Variants in YWHAG observed in about 807,000 individuals in gnomAD.
The protein encoded by YWHAG is tyrosine 3-monooxygenase/tryptophan 5-monooxygenase activation protein gamma.
Under a neutral mutation model 23.3 loss-of-function variants are expected in YWHAG, and 1 was observed. The ratio of observed to expected loss-of-function variants is 0.04; its 90% CI spans 0.02 to 0.20. The LOEUF (loss-of-function observed/expected upper bound fraction) is 0.20, where lower values mean the gene tolerates loss of function less well. Among genes scored for constraint, YWHAG ranks in the 10% least tolerant of loss-of-function variants. YWHAG has a pLI of 1.00. For synonymous variants in YWHAG, 160 were observed against 144.0 expected (o/e 1.11, Z -0.80); for missense variants, 151 against 338.6 (o/e 0.45, Z 4.35).
At chr7:76,334,684 G>A (rs1803592500) in intron 1 of YWHAG, among the ~76,000 whole-genome samples, 1 of 150,768 alleles carries the variant, frequency 6.6e-6, no homozygotes, top group Non-Finnish European at 1.5e-5. Context: ...CTAAAGTTCT[G>A]GGATTACAAA....
chr7:76,335,850 T>G (rs1259383373), intron 1 of YWHAG, among the ~76,000 whole-genome samples: 1 of 152,124 alleles, frequency 6.6e-6, no homozygotes, highest in East Asian at 1.9e-4. Context: ...CTCAGGAGGC[T>G]GAGGCAGGGG....
At chr7:76,335,808 G>A (rs1261020738) in intron 1 of YWHAG, among the ~76,000 whole-genome samples, 1 of 152,114 alleles carries the variant, frequency 6.6e-6, no homozygotes, top group African/African-American at 2.4e-5. Flanking sequence ...AAAATGAGCT[G>A]GGTGTGGTGT....
intron 1 of YWHAG, among the ~76,000 whole-genome samples, chr7:76,349,149 T>C (rs1025644589): frequency 1.3e-5 from 2 of 151,990 alleles, no homozygotes; most frequent in Admixed American, 6.6e-5. Flanking sequence ...GAGACCATCC[T>C]GGCTAACACG....
At chr7:76,349,967 C>G (rs990947192) in intron 1 of YWHAG, among the ~76,000 whole-genome samples, 1 of 152,200 alleles carries the variant, frequency 6.6e-6, no homozygotes, top group Non-Finnish European at 1.5e-5. Context: ...GTACCCCAGC[C>G]TGGGCAACAG....
At chr7:76,354,561 G>A (rs966988156) in intron 1 of YWHAG, among the ~76,000 whole-genome samples, 2 of 152,054 alleles carry the variant, frequency 1.3e-5, no homozygotes, top group Non-Finnish European at 2.9e-5. Context: ...AATAAGGTTA[G>A]GACTGCTGAT....
At chr7:76,344,640 T>C (rs1803748935) in intron 1 of YWHAG, among the ~76,000 whole-genome samples, 1 of 152,210 alleles carries the variant, frequency 6.6e-6, no homozygotes, top group Admixed American at 6.5e-5. Flanking sequence ...CTGGAATCAA[T>C]GTCATGCTCA....
intron 1 of YWHAG, among the ~76,000 whole-genome samples, chr7:76,349,902 G>A (rs1362791754): frequency 1.3e-5 from 2 of 152,186 alleles, no homozygotes; most frequent in African/African-American, 4.8e-5. Flanking sequence ...GCTGAGGTAG[G>A]AGAATTGCTT....
intron 1 of YWHAG, among the ~76,000 whole-genome samples, chr7:76,353,660 G>A (rs879856543): frequency 1.3e-5 from 2 of 152,162 alleles, no homozygotes; most frequent in Non-Finnish European, 2.9e-5. Flanking sequence ...CAAAATGATA[G>A]CTGACACCTA....
At chr7:76,349,552 G>C (rs574485437) in intron 1 of YWHAG, among the ~76,000 whole-genome samples, 75 of 152,126 alleles carry the variant, frequency 4.9e-4, no homozygotes, top group Non-Finnish European at 8.8e-4. Context: ...AATTCACTCA[G>C]CAAGTGTTTT....
At chr7:76,352,236 T>C (rs1325628362) in intron 1 of YWHAG, among the ~76,000 whole-genome samples, 1 of 152,246 alleles carries the variant, frequency 6.6e-6, no homozygotes, top group Non-Finnish European at 1.5e-5. Context: ...GAGTAATTCC[T>C]TTCAGACAGC....
At chr7:76,333,487 T>C (rs751028630) in intron 1 of YWHAG, among the ~76,000 whole-genome samples, 2 of 152,258 alleles carry the variant, frequency 1.3e-5, no homozygotes, top group Non-Finnish European at 2.9e-5. Context: ...TCATTTTAGT[T>C]CTCACCACAG....
At chr7:76,342,669 C>T (rs917320087) in intron 1 of YWHAG, among the ~76,000 whole-genome samples, 1 of 152,174 alleles carries the variant, frequency 6.6e-6, no homozygotes, top group Non-Finnish European at 1.5e-5. Flanking sequence ...TCCTGCTTAT[C>T]AATACCTTTC....
chr7:76,342,369 C>T (rs1420426808), intron 1 of YWHAG, among the ~76,000 whole-genome samples: 1 of 152,216 alleles, frequency 6.6e-6, no homozygotes, highest in Non-Finnish European at 1.5e-5. Context: ...CAAACCAGCA[C>T]TCCCTTCCTT....
chr7:76,340,767 T>C (rs1803680946), intron 1 of YWHAG, among the ~76,000 whole-genome samples: 3 of 152,242 alleles, frequency 2.0e-5, no homozygotes, highest in Admixed American at 2.0e-4. Context: ...TGCATATCTA[T>C]TTCTCTAGGT....
At chr7:76,340,703 T>A (rs1237103789) in intron 1 of YWHAG, among the ~76,000 whole-genome samples, 1 of 152,172 alleles carries the variant, frequency 6.6e-6, no homozygotes, top group Non-Finnish European at 1.5e-5. Context: ...GGAGGCTTTT[T>A]ATAATAATCT....
chr7:76,333,814 C>T (rs1803579634), intron 1 of YWHAG, among the ~76,000 whole-genome samples: 2 of 152,256 alleles, frequency 1.3e-5, no homozygotes, highest in African/African-American at 2.4e-5. Context: ...GTGCCGAAGG[C>T]CACAAAGATC....
At chr7:76,353,617 T>C (rs1366383874) in intron 1 of YWHAG, among the ~76,000 whole-genome samples, 1 of 152,230 alleles carries the variant, frequency 6.6e-6, no homozygotes, top group Admixed American at 6.5e-5. Context: ...CAAATGACAA[T>C]TTTAAGTAAA....
Position 76,358,905 on chromosome 7 carries a change from C to A in YWHAG, c.-97G>T. ...CTGGAGCCCAAGTGCCGGAGAGGAC[C>A]GACCCACAGAGCGAGCAGCTGAGGC... On this transcript the variant is annotated 5_prime_UTR_variant, in exon 1 of 2. Transcript: ENST00000307630. The A allele has an allele frequency of 1.7e-6, 2 of 1,201,236 alleles. No individual in the cohort carries two copies. The highest frequency in any genetic ancestry group is 3.0e-5 in the East Asian group (1 of 33,854). The allele number at this position is 1,201,236 out of a possible 1,614,324, so 74.4% of individuals were successfully genotyped here. A position where few individuals can be genotyped will look rare whatever the true frequency, so the allele number is the denominator to read the frequency against.
intron 1 of YWHAG, among the ~76,000 whole-genome samples, chr7:76,339,089 ATTTT>A (rs1334665202): frequency 0.01 from 1,552 of 152,370 alleles, 31 homozygotes; most frequent in African/African-American, 0.035. Flanking sequence ...AAAGCCAGTA[ATTTT>A]ATATAAACAG....
Sources: gnomAD v4.1 joint callset for allele counts (sites outside exome capture counted in the v4.1 genomes callset) on GRCh38, gnomAD v4.1.1 for gene constraint, MANE v1.5 for transcripts, NCBI Gene and HGNC (gene_info 2026-07-23, HGNC 2026-07-21) for gene names.